The following GPR176 variants were observed in gnomAD, a reference collection of about 807,000 sequenced individuals.
GPR176 encodes G protein-coupled receptor 176, also known as G-protein coupled receptor 176.
In GPR176, 26 loss-of-function variants were observed where a neutral mutation model predicts 35.4. That is an observed-to-expected ratio of 0.74 (90% CI 0.54 to 1.02). GPR176 has a LOEUF of 1.02. Ranked by LOEUF, GPR176 falls within the 50% of genes least tolerant of loss-of-function variation. GPR176 has a pLI of 0.00. For synonymous variants in GPR176, 278 were observed against 271.3 expected, an observed-to-expected ratio of 1.02 and a Z score of -0.24; for missense variants, 597 against 665.3, an observed-to-expected ratio of 0.90 and a Z score of 1.13.
intron 1 of GPR176, among the ~76,000 whole-genome samples, chr15:39,866,798 A>G (rs1175921156): frequency 6.6e-6 from 1 of 152,218 alleles, no homozygotes; most frequent in Admixed American, 6.5e-5. Flanking sequence ...ACTATTTTAA[A>G]TGATACCATA....
At chr15:39,821,338 A>G (rs939764653) in intron 1 of GPR176, among the ~76,000 whole-genome samples, 1 of 152,332 alleles carries the variant, frequency 6.6e-6, no homozygotes, top group African/African-American at 2.4e-5. Context: ...CTCAGTTTGT[A>G]AAATATTGGC....
At chr15:39,875,843 G>C (rs7165106) in intron 1 of GPR176, among the ~76,000 whole-genome samples, 20,907 of 151,676 alleles carry the variant, frequency 0.14, 1,786 homozygotes, top group Middle Eastern at 0.3. Flanking sequence ...ACCACCACCT[G>C]TCATCATCTG....
chr15:39,873,214 C>G (rs1566958357), intron 1 of GPR176, among the ~76,000 whole-genome samples: 1 of 152,120 alleles, frequency 6.6e-6, no homozygotes, highest in Non-Finnish European at 1.5e-5. Flanking sequence ...CCTGAGAAAA[C>G]AGAGGCTTAG....
chr15:39,805,215 C>T (rs1425890089), intron 2 of GPR176, among the ~76,000 whole-genome samples: 1 of 152,018 alleles, frequency 6.6e-6, no homozygotes, highest in African/African-American at 2.4e-5. Context: ...CATTAGTGTA[C>T]CCACCGGAAG....
intron 1 of GPR176, among the ~76,000 whole-genome samples, chr15:39,912,242 C>G (rs909790448): frequency 6.6e-6 from 1 of 152,178 alleles, no homozygotes; most frequent in Non-Finnish European, 1.5e-5. Context: ...ACCTTCCAGG[C>G]TAGGCAAAAA....
intron 2 of GPR176, among the ~76,000 whole-genome samples, chr15:39,806,123 T>C (rs1487511719): frequency 6.6e-6 from 1 of 152,216 alleles, no homozygotes; most frequent in East Asian, 1.9e-4. Context: ...GTATTATGTT[T>C]TGAATGGACA....
At chr15:39,865,750 C>A (rs1230271277) in intron 1 of GPR176, among the ~76,000 whole-genome samples, 1 of 152,046 alleles carries the variant, frequency 6.6e-6, no homozygotes, top group African/African-American at 2.4e-5. Context: ...TTTCTTTAAA[C>A]CCTATGGAAA....
chr15:39,801,515 C>G lies in GPR176; in HGVS notation c.1165G>C (p.Glu389Gln), dbSNP rs764374845. The G allele has an allele frequency of 1.2e-6, 2 of 1,614,220 alleles. No individual in the cohort carries two copies. The highest frequency in any genetic ancestry group is 1.7e-6 in the Non-Finnish European group (2 of 1,180,030). ...QIFKPTEDEE[E>Q]SEAKYIGSAD... ...GAGCCAATGTACTTGGCCTCACTCT[C>G]TTCCTCATCCTCTGTGGGCTTAAAG... The change falls in exon 3 of 3, where the codon GAG becomes CAG. Residue 389 changes from glutamate to glutamine, a missense_variant. Coordinates refer to ENST00000561100, the MANE Select transcript of GPR176 (RefSeq NM_007223.3).
intron 1 of GPR176, among the ~76,000 whole-genome samples, chr15:39,866,487 T>C (rs1049322348): frequency 5.3e-5 from 8 of 152,232 alleles, no homozygotes; most frequent in African/African-American, 1.9e-4. Context: ...TCCTTGTCAA[T>C]ATATAGTCTA....
intron 1 of GPR176, among the ~76,000 whole-genome samples, chr15:39,879,481 C>T (rs1385688861): frequency 4.6e-5 from 7 of 152,206 alleles, no homozygotes; most frequent in Admixed American, 4.6e-4. Flanking sequence ...CACCACACTT[C>T]ACATCCTTGT....
chr15:39,915,656 T>C (rs2640644), intron 1 of GPR176, among the ~76,000 whole-genome samples: 2,951 of 152,136 alleles, frequency 0.019, 93 homozygotes, highest in African/African-American at 0.068. Context: ...GGATGGATCA[T>C]CTGAGGTCAG....
chr15:39,850,518 A>G (rs2030785883), intron 1 of GPR176, among the ~76,000 whole-genome samples: 1 of 152,202 alleles, frequency 6.6e-6, no homozygotes, highest in South Asian at 2.1e-4. Flanking sequence ...CAAAAATCAT[A>G]GAAATGGAGA....
At position 39,802,172 on chromosome 15, in the gene GPR176, C is replaced by A. The variant is rs765711203; in HGVS notation, c.508G>T (p.Ala170Ser). 1.9e-6 allele frequency: 3 copies of A among 1,613,962 alleles called. No individual in the cohort carries two copies. Among genetic ancestry groups the A allele is most frequent in the Non-Finnish European group, 2.5e-6 (3 of 1,179,908 alleles). Residue 170 changes from alanine to serine, a missense_variant, in exon 3 of 3, where the codon GCA (alanine) becomes TCA (serine). Ala to Ser is a moderately conservative substitution (Grantham distance 99). Around this residue, in one of 3 missense-constraint regions of GPR176, gnomAD observed 220 missense variants for 297.6 expected, o/e 0.74. Transcript: ENST00000561100. The part of the protein sequence containing the change: ...RELVMYIWAH[A>S]VVASVPVFAV... The stretch of plus-strand genomic sequence containing the variant: ...AACACAGGGACACTGGCCACCACTG[C>A]ATGGGCCCAGATGTACATCACCAGT...
chr15:39,885,288 A>T (rs920061638), intron 1 of GPR176, among the ~76,000 whole-genome samples: 2 of 152,224 alleles, frequency 1.3e-5, no homozygotes, highest in African/African-American at 4.8e-5. Flanking sequence ...TGTTCAACAG[A>T]GTGTGTTTCC....
chr15:39,802,473 A>C (rs1898947560), intron 2 of GPR176, among the ~76,000 whole-genome samples: 1 of 152,240 alleles, frequency 6.6e-6, no homozygotes, highest in African/African-American at 2.4e-5. Context: ...AAACCTTTCC[A>C]AAGGAGCAGC....
At chr15:39,873,955 AT>A (rs974651552) in intron 1 of GPR176, among the ~76,000 whole-genome samples, 2 of 152,220 alleles carry the variant, frequency 1.3e-5, no homozygotes, top group African/African-American at 4.8e-5. Context: ...AGGTTTTTAA[AT>A]TACTGTGCAA....
At chr15:39,846,346 T>C (rs2030425900) in intron 1 of GPR176, among the ~76,000 whole-genome samples, 2 of 152,182 alleles carry the variant, frequency 1.3e-5, no homozygotes, top group South Asian at 2.1e-4. Context: ...ATTTAGTTTA[T>C]AGTTTAACTT....
intron 1 of GPR176, among the ~76,000 whole-genome samples, chr15:39,867,407 A>C (rs2031872695): frequency 6.6e-6 from 1 of 152,174 alleles, no homozygotes; most frequent in African/African-American, 2.4e-5. Flanking sequence ...AGGATGGGAG[A>C]GAAGACAGCA....
At chr15:39,913,381 C>G (rs1566971311) in intron 1 of GPR176, among the ~76,000 whole-genome samples, 2 of 151,948 alleles carry the variant, frequency 1.3e-5, no homozygotes, top group Admixed American at 6.6e-5. Context: ...TCCATCTCTA[C>G]AAAAAGTACA....
Sources: allele counts gnomAD v4.1 joint callset (sites outside exome capture counted in the v4.1 genomes callset), GRCh38; gene constraint gnomAD v4.1.1; regional missense constraint gnomAD v4.1.1; transcripts MANE v1.5; gene names NCBI Gene and HGNC (gene_info 2026-07-23, HGNC 2026-07-21).